PLD5: variants seen among roughly 807,000 people sequenced by gnomAD.
PLD5 encodes phospholipase D family member 5, also known as inactive phospholipase D5.
PLD5 carries 36 observed loss-of-function variants against 61.1 expected under a neutral mutation model. The observed-to-expected ratio is 0.59, with a 90% confidence interval of 0.45 to 0.78. PLD5 has a LOEUF of 0.78. PLD5 is among the 30% of genes least tolerant of loss of function. PLD5 has a pLI of 0.00. For synonymous variants in PLD5, 243 were observed against 242.8 expected (o/e 1.00, Z -0.01); for missense variants, 515 against 644.4 (o/e 0.80, Z 2.17).
At chr1:242,378,505 G>C (rs528124140) in intron 1 of PLD5, among the ~76,000 whole-genome samples, 1 of 151,922 alleles carries the variant, frequency 6.6e-6, no homozygotes, top group African/African-American at 2.4e-5. Context: ...TGGTTAAAAT[G>C]GTAAATTTTA....
At chr1:242,444,086 C>A (rs1453808319) in intron 1 of PLD5, among the ~76,000 whole-genome samples, 11 of 152,172 alleles carry the variant, frequency 7.2e-5, no homozygotes, top group Non-Finnish European at 1.5e-4. Context: ...CTTTGCACTT[C>A]CTGTAGCCCA....
intron 1 of PLD5, among the ~76,000 whole-genome samples, chr1:242,361,301 A>G (rs1340913502): frequency 5.3e-5 from 8 of 152,292 alleles, no homozygotes; most frequent in Non-Finnish European, 8.8e-5. Context: ...ATGTACTATA[A>G]CAATATAAGG....
At chr1:242,381,336 G>T (rs756978826) in intron 1 of PLD5, among the ~76,000 whole-genome samples, 13 of 152,238 alleles carry the variant, frequency 8.5e-5, no homozygotes, top group South Asian at 2.1e-4. Flanking sequence ...CTTATAAGTG[G>T]GAGCTGAACG....
rs142177968 is a variant in PLD5 at position 242,451,299 on chromosome 1, A to C, written c.189+72789T>G. On this transcript the variant is annotated intron_variant, in intron 1 of 9. Transcript: ENST00000536534. The stretch of plus-strand genomic sequence containing the variant: ...TGACATCCTCAACTTACAGCAATTT[A>C]TCTTCTCTATGACTGTCACTCAACA... Among the ~76,000 whole-genome samples, 19 of 152,162 alleles carry C rather than the reference A, an allele frequency of 1.2e-4. 1 individual carries two copies. The highest frequency in any genetic ancestry group is 4.3e-4 in the African/African-American group (18 of 41,520).
At chr1:242,114,630 C>T (rs924274866) in intron 6 of PLD5, among the ~76,000 whole-genome samples, 2 of 152,176 alleles carry the variant, frequency 1.3e-5, no homozygotes, top group Non-Finnish European at 2.9e-5. Flanking sequence ...GCCTGAGCTC[C>T]GCCTCCTGTC....
rs142775035 is a variant in PLD5, at chr1:242,394,467, C to T, written c.190-46225G>A. 2.1e-3 allele frequency among the ~76,000 whole-genome samples: 78 copies of T among 37,226 alleles called. 12 individuals are homozygous for T. Among genetic ancestry groups the T allele is most frequent in the Admixed American group, 6.2e-3 (18 of 2,900 alleles). The allele number at this position is 37,226 out of a possible 152,430, so 24.4% of individuals were successfully genotyped here. ...GTGTGTATATGAGTATATATGTGAA[C>T]ATATATATGTGTATATATGTGAACA... On this transcript the variant is annotated intron_variant, in intron 1 of 9. Coordinates refer to ENST00000536534, the MANE Select transcript of PLD5 (RefSeq NM_001372062.1).
At chr1:242,446,577 C>A (rs115036205) in intron 1 of PLD5, among the ~76,000 whole-genome samples, 4 of 152,158 alleles carry the variant, frequency 2.6e-5, no homozygotes, top group African/African-American at 9.6e-5. Flanking sequence ...GAGATTCTAT[C>A]TAAAAAGAAA....
Position 242,419,308 on chromosome 1 carries a change from G to A in PLD5, c.190-71066C>T, listed in dbSNP as rs145942970. On this transcript the variant is annotated intron_variant, in intron 1 of 9. Coordinates refer to ENST00000536534, the MANE Select transcript of PLD5 (RefSeq NM_001372062.1). ...GACACAAAAGTCATGGCAAAGACTCGTCGCATGACTTGTAGTTTCAAGCTG... is the reference window on the plus strand; with the variant it reads ...GACACAAAAGTCATGGCAAAGACTCATCGCATGACTTGTAGTTTCAAGCTG... Among the ~76,000 whole-genome samples, 36 of 152,068 alleles carry A rather than the reference G, an allele frequency of 2.4e-4. 1 individual carries two copies. The highest frequency in any genetic ancestry group is 3.9e-4 in the East Asian group (2 of 5,162).
At chr1:242,440,269 G>C (rs1454646116) in intron 1 of PLD5, among the ~76,000 whole-genome samples, 1 of 152,148 alleles carries the variant, frequency 6.6e-6, no homozygotes, top group African/African-American at 2.4e-5. Context: ...CCGGTGGAAG[G>C]GAATAAGGTT....
At chr1:242,170,868 G>C (rs909250972) in intron 5 of PLD5, among the ~76,000 whole-genome samples, 1 of 152,050 alleles carries the variant, frequency 6.6e-6, no homozygotes, top group Admixed American at 6.6e-5. Context: ...AATGAAAAAG[G>C]CCTGCAGGAA....
At chr1:242,310,447 G>C (rs1212148944) in intron 2 of PLD5, among the ~76,000 whole-genome samples, 1 of 152,152 alleles carries the variant, frequency 6.6e-6, no homozygotes, top group Non-Finnish European at 1.5e-5. Context: ...TGTCACTCCT[G>C]TTCTCAGGCT....
chr1:242,175,488 T>A (rs1667078480), intron 5 of PLD5, among the ~76,000 whole-genome samples: 1 of 152,152 alleles, frequency 6.6e-6, no homozygotes, highest in South Asian at 2.1e-4. Flanking sequence ...CCCACATCAA[T>A]ATCATCTGGA....
At chr1:242,299,189 A>G (rs1372870239) in intron 2 of PLD5, among the ~76,000 whole-genome samples, 1 of 152,162 alleles carries the variant, frequency 6.6e-6, no homozygotes, top group Non-Finnish European at 1.5e-5. Flanking sequence ...GTGGTATATG[A>G]GATGTATTGA....
At chr1:242,514,045 C>G (rs1669021732) in intron 1 of PLD5, among the ~76,000 whole-genome samples, 1 of 152,230 alleles carries the variant, frequency 6.6e-6, no homozygotes, top group Admixed American at 6.5e-5. Flanking sequence ...ATTCTAGGCT[C>G]TCATTCCTCA....
At chr1:242,415,662 G>A (rs891546244) in intron 1 of PLD5, among the ~76,000 whole-genome samples, 3 of 151,844 alleles carry the variant, frequency 2.0e-5, no homozygotes, top group Admixed American at 6.6e-5. Context: ...ACAGGCACCC[G>A]CCACCACGCC....
intron 1 of PLD5, among the ~76,000 whole-genome samples, chr1:242,444,319 T>C (rs1666406113): frequency 6.6e-6 from 1 of 152,150 alleles, no homozygotes; most frequent in Non-Finnish European, 1.5e-5. Context: ...ATAAAATCAC[T>C]CATACCTTTA....
chr1:242,415,392 T>G (rs1408386391), intron 1 of PLD5, among the ~76,000 whole-genome samples: 1 of 152,142 alleles, frequency 6.6e-6, no homozygotes, highest in African/African-American at 2.4e-5. Context: ...ATAGAGAGGA[T>G]GTACCTACCC....
chr1:242,509,075 C>G (rs901764879), intron 1 of PLD5, among the ~76,000 whole-genome samples: 1 of 151,620 alleles, frequency 6.6e-6, no homozygotes, highest in African/African-American at 2.4e-5. Context: ...AGCAAGACTC[C>G]GTCTCAAAAT....
At chr1:242,529,305 A>C (rs12094859), upstream of PLD5, among the ~76,000 whole-genome samples, 7,630 of 152,274 alleles carry the variant, frequency 0.05, 640 homozygotes, top group African/African-American at 0.18. Context: ...TTTAAATGTT[A>C]CATATTTAAT....
Sources: gnomAD v4.1 joint callset for allele counts (sites outside exome capture counted in the v4.1 genomes callset) on GRCh38, gnomAD v4.1.1 for gene constraint, MANE v1.5 for transcripts, NCBI Gene and HGNC (gene_info 2026-07-23, HGNC 2026-07-21) for gene names.